The following MAP2K6 variants were observed in gnomAD, a reference collection of about 807,000 sequenced individuals.
MAP2K6 encodes dual specificity mitogen-activated protein kinase kinase 6.
Under a neutral mutation model 53.7 loss-of-function variants are expected in MAP2K6, and 16 were observed. The observed-to-expected ratio is 0.30, with a 90% CI of 0.20 to 0.45. The LOEUF (loss-of-function observed/expected upper bound fraction) is 0.45. MAP2K6 is among the 20% of genes least tolerant of loss of function. The pLI is 1.00. For synonymous variants in MAP2K6, 132 were observed against 143.1 expected (o/e 0.92, Z 0.55); for missense variants, 204 against 411.9 (o/e 0.50, Z 4.37).
At chr17:69,441,829 C>CA (rs1371648916) in intron 1 of MAP2K6, among the ~76,000 whole-genome samples, 5 of 152,120 alleles carry the variant, frequency 3.3e-5, no homozygotes, top group African/African-American at 1.2e-4. Flanking sequence ...CTAGATTCTC[C>CA]ACGGGGCCTC....
intron 1 of MAP2K6, among the ~76,000 whole-genome samples, chr17:69,456,923 T>C (rs1299777149): frequency 2.6e-5 from 4 of 152,224 alleles, no homozygotes; most frequent in Non-Finnish European, 5.9e-5. Flanking sequence ...GACACTTCCA[T>C]TTGACTGATA....
intron 1 of MAP2K6, among the ~76,000 whole-genome samples, chr17:69,471,960 C>T (rs1907995800): frequency 6.6e-6 from 1 of 152,168 alleles, no homozygotes; most frequent in East Asian, 1.9e-4. Context: ...AGCACATCTT[C>T]CCCGCGGGGA....
chr17:69,539,855 G>A (rs1489299745), intron 11 of MAP2K6, among the ~76,000 whole-genome samples: 1 of 152,174 alleles, frequency 6.6e-6, no homozygotes, highest in Non-Finnish European at 1.5e-5. Context: ...TGATGGTAGA[G>A]TCCTTGGTAA....
chr17:69,468,065 C>T (rs988342176), intron 1 of MAP2K6, among the ~76,000 whole-genome samples: 2 of 152,224 alleles, frequency 1.3e-5, no homozygotes, highest in Non-Finnish European at 2.9e-5. Flanking sequence ...CACAACTGGC[C>T]TTGGATTTCT....
At chr17:69,421,744 C>T (rs942007091) in intron 1 of MAP2K6, among the ~76,000 whole-genome samples, 4 of 151,734 alleles carry the variant, frequency 2.6e-5, no homozygotes, top group African/African-American at 9.7e-5. Flanking sequence ...GGGATTTCAC[C>T]GTGTTAGCCA....
At position 69,549,805 on chromosome 17, in the gene MAP2K6, G is replaced by C. The variant is rs1912022362; in HGVS notation, c.*8052G>C. 2 of 152,128 alleles carry C rather than the reference G, an allele frequency of 1.3e-5. No homozygotes were observed. The highest frequency in any genetic ancestry group is 6.5e-5 in the Admixed American group (1 of 15,272). 9.4% of individuals were successfully genotyped at this position (152,128 alleles called of 1,614,324 possible). On this transcript the variant is annotated 3_prime_UTR_variant, in exon 12 of 12. Coordinates refer to ENST00000590474, the MANE Select transcript of MAP2K6 (RefSeq NM_002758.4). Reference sequence around the variant, plus strand: ...TCAATATTTGTGTTGGAGTCTGCAAGATATTTCAACAAAGTAAGCCAAACC... The same window carrying C: ...TCAATATTTGTGTTGGAGTCTGCAACATATTTCAACAAAGTAAGCCAAACC...
Position 69,545,270 on chromosome 17 carries a change from G to A in MAP2K6, c.*3517G>A, listed in dbSNP as rs1911833398. ...TGAAGGAGATAGAACCCCCATAAAG[G>A]TATATGTTTGTTGATAAAATATCAG... On this transcript the variant is annotated 3_prime_UTR_variant, in exon 12 of 12. Coordinates refer to ENST00000590474, the MANE Select transcript of MAP2K6 (RefSeq NM_002758.4). The A allele has an allele frequency of 6.6e-6, 1 of 152,046 alleles. No individual in the cohort carries two copies. The highest frequency in any genetic ancestry group is 6.6e-5 in the Admixed American group (1 of 15,250). 9.4% of individuals were successfully genotyped at this position (152,046 alleles called of 1,614,324 possible).
intron 1 of MAP2K6, among the ~76,000 whole-genome samples, chr17:69,469,255 C>G (rs1028464352): frequency 6.6e-6 from 1 of 152,346 alleles, no homozygotes; most frequent in Non-Finnish European, 1.5e-5. Context: ...CTAACCAACC[C>G]CTCTACCTTC....
chr17:69,493,862 C>A (rs1908847843), intron 1 of MAP2K6, among the ~76,000 whole-genome samples: 1 of 152,070 alleles, frequency 6.6e-6, no homozygotes, highest in African/African-American at 2.4e-5. Context: ...TTGTACCCAT[C>A]AAATTGACAG....
At chr17:69,476,330 A>AG (rs1424037331) in intron 1 of MAP2K6, among the ~76,000 whole-genome samples, 1 of 152,104 alleles carries the variant, frequency 6.6e-6, no homozygotes, top group Non-Finnish European at 1.5e-5. Context: ...AAACCAAAAA[A>AG]CCAAGCTACC....
chr17:69,437,349 G>A (rs913390265), intron 1 of MAP2K6, among the ~76,000 whole-genome samples: 8 of 152,062 alleles, frequency 5.3e-5, no homozygotes, highest in Admixed American at 5.2e-4. Flanking sequence ...CATCATAAAG[G>A]TTTTCATCCT....
At position 69,499,743 on chromosome 17, in the gene MAP2K6, G is replaced by T. The variant is rs193070200; in HGVS notation, c.17-6037G>T. 2.1e-4 allele frequency among the ~76,000 whole-genome samples: 32 copies of T among 152,322 alleles called. No individual in the cohort carries two copies. The East Asian group carries it at 5.8e-3, about 27-fold the overall frequency. ...GATAAACAAGTAATAAATAAATGCA[G>T]AAGTAAATAAATAAATACAAAAATA... is the stretch of plus-strand genomic sequence containing the variant. On this transcript the variant is annotated intron_variant, in intron 1 of 11. Transcript: ENST00000590474.
chr17:69,453,468 G>A (rs1907297115), intron 1 of MAP2K6, among the ~76,000 whole-genome samples: 1 of 152,182 alleles, frequency 6.6e-6, no homozygotes, highest in African/African-American at 2.4e-5. Flanking sequence ...AGGAAGGTGT[G>A]GACATGGAGA....
At chr17:69,422,124 ATTTTTTTTTT>A (rs35694490) in intron 1 of MAP2K6, among the ~76,000 whole-genome samples, 1 of 87,388 alleles carries the variant, frequency 1.1e-5, no homozygotes, top group East Asian at 3.3e-4. Flanking sequence ...AATCATCGTA[ATTTTTTTTTT>A]TTTTTTTTTT....
intron 1 of MAP2K6, among the ~76,000 whole-genome samples, chr17:69,483,396 G>A (rs527485408): frequency 1.2e-4 from 18 of 151,996 alleles, no homozygotes; most frequent in Non-Finnish European, 2.1e-4. Context: ...TAAATTTAAC[G>A]AAAGAAATGC....
At chr17:69,525,792 G>C (rs1457575586) in intron 9 of MAP2K6, among the ~76,000 whole-genome samples, 1 of 152,210 alleles carries the variant, frequency 6.6e-6, no homozygotes, top group Non-Finnish European at 1.5e-5. Flanking sequence ...TACAATTCAA[G>C]ATGAGATTTG....
At chr17:69,520,192 G>T (rs533517621) in intron 5 of MAP2K6, 78 bp from the exon 6 acceptor site, 22 of 750,202 alleles carry the variant, frequency 2.9e-5, no homozygotes, top group Non-Finnish European at 4.5e-5. Context: ...TCAGGATAGG[G>T]TTTACTGTTT....
At chr17:69,535,659 A>T (rs1292369952) in intron 10 of MAP2K6, among the ~76,000 whole-genome samples, 1 of 152,232 alleles carries the variant, frequency 6.6e-6, no homozygotes, top group East Asian at 1.9e-4. Flanking sequence ...TTAGGACTAT[A>T]TAAAAGCAAA....
chr17:69,419,648 G>A (rs1379082116), intron 1 of MAP2K6, among the ~76,000 whole-genome samples: 1 of 151,980 alleles, frequency 6.6e-6, no homozygotes, highest in Non-Finnish European at 1.5e-5. Context: ...TAATTTGGGT[G>A]GCCAGGCATG....
Sources: gnomAD v4.1 joint callset for allele counts (sites outside exome capture counted in the v4.1 genomes callset) on GRCh38, gnomAD v4.1.1 for gene constraint, MANE v1.5 for transcripts, NCBI Gene and HGNC (gene_info 2026-07-23, HGNC 2026-07-21) for gene names.